The following PIP4K2A variants were observed in gnomAD, a reference collection of about 807,000 sequenced individuals.
PIP4K2A encodes phosphatidylinositol-5-phosphate 4-kinase type 2 alpha, also known as phosphatidylinositol 5-phosphate 4-kinase type-2 alpha.
A neutral mutation model predicts 42.9 loss-of-function variants in PIP4K2A; 14 were observed. The ratio of observed to expected loss-of-function variants is 0.33; its 90% CI spans 0.22 to 0.51. The LOEUF (loss-of-function observed/expected upper bound fraction) is 0.51. PIP4K2A is among the 20% of genes least tolerant of loss of function. The pLI is 0.97. For missense variants in PIP4K2A, 434 were observed against 519.8 expected, an observed-to-expected ratio of 0.83 and a Z score of 1.61; for synonymous variants, 192 against 192.2, an observed-to-expected ratio of 1.00 and a Z score of 0.01.
At position 22,643,598 on chromosome 10, in the gene PIP4K2A, C is replaced by T. The variant is rs138136029; in HGVS notation, c.145-33881G>A. 2.2e-4 allele frequency among the ~76,000 whole-genome samples: 33 copies of T among 152,238 alleles called. No homozygotes were observed. The East Asian group carries it at 6.4e-3, about 29-fold the overall frequency. On this transcript the variant is annotated intron_variant, in intron 1 of 9. Transcript: ENST00000376573. Reference sequence around the variant, plus strand: ...CTTTGCCATCCCAGGCCCCCAAATCCCTCCATGGGGCTCTCCAAGAGTCAT... The same window carrying T: ...CTTTGCCATCCCAGGCCCCCAAATCTCTCCATGGGGCTCTCCAAGAGTCAT...
intron 6 of PIP4K2A, among the ~76,000 whole-genome samples, chr10:22,554,255 T>C (rs1836480264): frequency 6.6e-6 from 1 of 152,244 alleles, no homozygotes; most frequent in African/African-American, 2.4e-5. Context: ...ATCTCTCTGA[T>C]AATGAGCAGT....
chr10:22,635,494 G>A (rs1021947922), intron 1 of PIP4K2A, among the ~76,000 whole-genome samples: 1 of 152,194 alleles, frequency 6.6e-6, no homozygotes, highest in Admixed American at 6.5e-5. Context: ...GGAAGAGACT[G>A]TTACCCACTG....
intron 3 of PIP4K2A, among the ~76,000 whole-genome samples, chr10:22,606,744 G>T (rs943856868): frequency 1.3e-5 from 2 of 152,146 alleles, no homozygotes; most frequent in Admixed American, 1.3e-4. Flanking sequence ...CTTAATGCAG[G>T]ATAAATTCAG....
chr10:22,628,336 C>T (rs1838488461), intron 1 of PIP4K2A, among the ~76,000 whole-genome samples: 1 of 152,166 alleles, frequency 6.6e-6, no homozygotes, highest in Non-Finnish European at 1.5e-5. Flanking sequence ...ATGTTCATAT[C>T]CATTATTTAA....
In PIP4K2A at chr10:22,664,118, T is replaced by TATATATACAC. The variant is rs1839280074; in HGVS notation, c.144+50064_144+50065insGTGTATATAT. On this transcript the variant is annotated intron_variant, in intron 1 of 9. Transcript: ENST00000376573. ...ATATATATATACATATATATATACA[T>TATATATACAC]ATATATATATACATATATATATACA... 5.1e-5 allele frequency among the ~76,000 whole-genome samples: 3 copies of TATATATACAC among 58,556 alleles called. No individual in the cohort carries two copies. The African/African-American group carries it at 5.3e-4, about 10-fold the overall frequency. 38.4% of individuals were successfully genotyped at this position (58,556 alleles called of 152,430 possible).
chr10:22,541,902 G>A lies in PIP4K2A; in HGVS notation c.938C>T (p.Pro313Leu), dbSNP rs756211160. The A allele has an allele frequency of 1.5e-5, 24 of 1,613,816 alleles. No homozygotes were observed. The highest frequency in any genetic ancestry group is 1.9e-5 in the Non-Finnish European group (23 of 1,179,908). ...CAGTGTATTCCCGGGGCTATCTGGGGGGGTTCCCACCGGGTGGGTGCCATC... is the reference window on the plus strand; with the variant it reads ...CAGTGTATTCCCGGGGCTATCTGGGAGGGTTCCCACCGGGTGGGTGCCATC... ...ESDGTHPVGT[P>L]PDSPGNTLNS... The change falls in exon 8 of 10, where the codon CCC becomes CTC. Residue 313 changes from proline to leucine, a missense_variant. Pro to Leu is a moderately conservative substitution (Grantham distance 98). Coordinates refer to ENST00000376573, the MANE Select transcript of PIP4K2A (RefSeq NM_005028.5).
rs190918567 is a variant in PIP4K2A, at chr10:22,555,983, T to A, written c.679-5211A>T. 1.1e-4 allele frequency among the ~76,000 whole-genome samples: 17 copies of A among 152,300 alleles called. No homozygotes were observed. In the East Asian group the frequency reaches 3.3e-3, roughly 29 times the overall value. On this transcript the variant is annotated intron_variant, in intron 6 of 9. Coordinates refer to ENST00000376573, the MANE Select transcript of PIP4K2A (RefSeq NM_005028.5). ...TACTGGGCCACATTCAAAGCCGTCC[T>A]GGGCCCCATGCAGCCCGTGAGCGAC...
At chr10:22,636,389 C>G (rs895509891) in intron 1 of PIP4K2A, among the ~76,000 whole-genome samples, 7 of 152,130 alleles carry the variant, frequency 4.6e-5, no homozygotes, top group African/African-American at 1.7e-4. Flanking sequence ...GTGGCTGGGA[C>G]TACAGGTGTG....
chr10:22,625,500 A>G (rs1193737543), intron 1 of PIP4K2A, among the ~76,000 whole-genome samples: 4 of 152,216 alleles, frequency 2.6e-5, no homozygotes, highest in Non-Finnish European at 5.9e-5. Flanking sequence ...ATGTGATCCA[A>G]AAAAATCTGG....
At chr10:22,686,222 G>T (rs117083629) in intron 1 of PIP4K2A, among the ~76,000 whole-genome samples, 6 of 152,120 alleles carry the variant, frequency 3.9e-5, no homozygotes, top group African/African-American at 1.4e-4. Flanking sequence ...CCAAATCCTT[G>T]GACAACTTGA....
At chr10:22,537,790 G>C (rs899665169) in intron 9 of PIP4K2A, among the ~76,000 whole-genome samples, 12 of 152,158 alleles carry the variant, frequency 7.9e-5, no homozygotes, top group Non-Finnish European at 1.3e-4. Flanking sequence ...AAACATGAGG[G>C]GCAACAGCAG....
chr10:22,587,489 C>G (rs1423003381), intron 4 of PIP4K2A, among the ~76,000 whole-genome samples: 1 of 152,168 alleles, frequency 6.6e-6, no homozygotes, highest in Non-Finnish European at 1.5e-5. Flanking sequence ...GATACAAACC[C>G]TAAAAGTACT....
At chr10:22,677,029 T>C (rs1168903965) in intron 1 of PIP4K2A, among the ~76,000 whole-genome samples, 1 of 152,352 alleles carries the variant, frequency 6.6e-6, no homozygotes, top group East Asian at 1.9e-4. Context: ...TTACTTTCCT[T>C]ATATTTCTCT....
intron 5 of PIP4K2A, among the ~76,000 whole-genome samples, chr10:22,570,406 G>A (rs1048634477): frequency 6.6e-5 from 10 of 152,250 alleles, no homozygotes; most frequent in African/African-American, 2.4e-4. Flanking sequence ...TGTGTGCTCT[G>A]AGCAGTACCG....
chr10:22,571,682 T>C (rs1286004801), intron 5 of PIP4K2A, among the ~76,000 whole-genome samples: 2 of 152,224 alleles, frequency 1.3e-5, no homozygotes, highest in Non-Finnish European at 2.9e-5. Flanking sequence ...TTTGAGAAAT[T>C]ACCTCTTGTC....
chr10:22,690,603 A>C (rs1839848802), intron 1 of PIP4K2A, among the ~76,000 whole-genome samples: 1 of 152,224 alleles, frequency 6.6e-6, no homozygotes, highest in African/African-American at 2.4e-5. Context: ...CAAAGAGCAC[A>C]AATACCAAAG....
At chr10:22,680,059 T>C (rs1839630179) in intron 1 of PIP4K2A, among the ~76,000 whole-genome samples, 1 of 152,118 alleles carries the variant, frequency 6.6e-6, no homozygotes, top group South Asian at 2.1e-4. Flanking sequence ...CTTTATATCA[T>C]ATGTGAATTA....
chr10:22,630,830 T>A (rs1838532022), intron 1 of PIP4K2A, among the ~76,000 whole-genome samples: 1 of 152,220 alleles, frequency 6.6e-6, no homozygotes, highest in Non-Finnish European at 1.5e-5. Flanking sequence ...TATCAATTAC[T>A]ACAACATACT....
intron 3 of PIP4K2A, among the ~76,000 whole-genome samples, chr10:22,593,376 G>C (rs567842300): frequency 6.6e-6 from 1 of 152,262 alleles, no homozygotes; most frequent in African/African-American, 2.4e-5. Flanking sequence ...AATCCCCAAT[G>C]ACTTTAAATA....
Sources: allele counts gnomAD v4.1 joint callset (sites outside exome capture counted in the v4.1 genomes callset), GRCh38; gene constraint gnomAD v4.1.1; transcripts MANE v1.5; gene names NCBI Gene and HGNC (gene_info 2026-07-23, HGNC 2026-07-21).